B3GAT2: variants seen among roughly 807,000 people sequenced by gnomAD.
B3GAT2 encodes galactosylgalactosylxylosylprotein 3-beta-glucuronosyltransferase 2.
Under a neutral mutation model 27.8 loss-of-function variants are expected in B3GAT2, and 26 were observed. The observed-to-expected ratio is 0.93, with a 90% confidence interval of 0.68 to 1.30. The LOEUF (loss-of-function observed/expected upper bound fraction) is 1.30. Among genes scored for constraint, B3GAT2 ranks in the 50% most tolerant of loss-of-function variants. The pLI is 0.00. For synonymous variants in B3GAT2, 218 were observed against 195.1 expected, an observed-to-expected ratio of 1.12 and a Z score of -0.98; for missense variants, 458 against 459.0, an observed-to-expected ratio of 1.00 and a Z score of 0.02.
intron 1 of B3GAT2, among the ~76,000 whole-genome samples, chr6:70,918,426 A>G (rs1398581860): frequency 6.6e-6 from 1 of 152,120 alleles, no homozygotes; most frequent in Non-Finnish European, 1.5e-5. Context: ...TGTGAATTTG[A>G]TCCTGTCATT....
chr6:70,894,336 T>A, intron 1 of B3GAT2, 64 bp from the exon 2 acceptor site: 1 of 1,468,268 alleles, frequency 6.8e-7, no homozygotes. Context: ...GAAATGAATG[T>A]GATCTATGTA....
chr6:70,912,833 T>C (rs1055842255), intron 1 of B3GAT2, among the ~76,000 whole-genome samples: 2 of 152,218 alleles, frequency 1.3e-5, no homozygotes, highest in African/African-American at 2.4e-5. Flanking sequence ...TTTTTACTAC[T>C]GATTCAATTT....
rs555034692 is a variant in B3GAT2 at position 70,940,279 on chromosome 6, G to A, written c.591+15560C>T. Among the ~76,000 whole-genome samples, 14 of 152,200 alleles carry A rather than the reference G, an allele frequency of 9.2e-5. No homozygotes were observed. The South Asian group carries it at 2.9e-3, about 32-fold the overall frequency. ...TTAAGCAATGTTTGCAAAAAGAGAA[G>A]CAAGCTTATGGGGCTTCCCAAAAAA... On this transcript the variant is annotated intron_variant, in intron 1 of 3. Transcript: ENST00000230053.
At chr6:70,935,148 T>C (rs148534537) in intron 1 of B3GAT2, among the ~76,000 whole-genome samples, 2 of 151,678 alleles carry the variant, frequency 1.3e-5, no homozygotes, top group African/African-American at 4.8e-5. Context: ...AAGAGCAATA[T>C]AAAATATCCA....
At chr6:70,903,991 A>C (rs571908715) in intron 1 of B3GAT2, among the ~76,000 whole-genome samples, 6 of 152,252 alleles carry the variant, frequency 3.9e-5, no homozygotes, top group Non-Finnish European at 8.8e-5. Flanking sequence ...CCAAATGTTC[A>C]TCAACTTGTA....
At chr6:70,941,229 C>T (rs1284878244) in intron 1 of B3GAT2, among the ~76,000 whole-genome samples, 1 of 152,120 alleles carries the variant, frequency 6.6e-6, no homozygotes, top group Non-Finnish European at 1.5e-5. Context: ...AGGAGAAGAA[C>T]ATTTAGAGGC....
chr6:70,880,984 TA>T (rs1449276285), intron 2 of B3GAT2, among the ~76,000 whole-genome samples: 1 of 152,224 alleles, frequency 6.6e-6, no homozygotes, highest in East Asian at 1.9e-4. Context: ...TCTTTCTTGA[TA>T]TTTCATATAT....
chr6:70,935,303 A>T (rs1773126297), intron 1 of B3GAT2, among the ~76,000 whole-genome samples: 1 of 151,882 alleles, frequency 6.6e-6, no homozygotes, highest in Non-Finnish European at 1.5e-5. Context: ...TAAAAATAAA[A>T]ATTAGCCAGG....
intron 1 of B3GAT2, among the ~76,000 whole-genome samples, chr6:70,914,864 A>G (rs1772743132): frequency 6.6e-6 from 1 of 152,114 alleles, no homozygotes; most frequent in Non-Finnish European, 1.5e-5. Flanking sequence ...TGCAATAAAC[A>G]TATGTGTGCA....
intron 1 of B3GAT2, among the ~76,000 whole-genome samples, chr6:70,895,706 C>T (rs1032816006): frequency 6.6e-6 from 1 of 151,976 alleles, no homozygotes; most frequent in Admixed American, 6.6e-5. Flanking sequence ...TGAAGCATTC[C>T]AGGTAATGAG....
At chr6:70,864,179 TC>T (rs1771813806) in intron 2 of B3GAT2, among the ~76,000 whole-genome samples, 1 of 150,628 alleles carries the variant, frequency 6.6e-6, no homozygotes, top group Admixed American at 6.6e-5. Context: ...CCCCATTCTC[TC>T]AAAAACATGG....
intron 2 of B3GAT2, among the ~76,000 whole-genome samples, chr6:70,882,762 G>A (rs567917182): frequency 3.5e-4 from 53 of 152,260 alleles, no homozygotes; most frequent in Admixed American, 6.5e-4. Context: ...AGAGGAGAGA[G>A]TGGAGAATGC....
intron 1 of B3GAT2, among the ~76,000 whole-genome samples, chr6:70,946,244 G>C (rs1447805016): frequency 6.6e-6 from 1 of 152,066 alleles, no homozygotes. Context: ...AATGTAAATG[G>C]ACTAAATGCT....
At chr6:70,911,627 G>A (rs1242854278) in intron 1 of B3GAT2, among the ~76,000 whole-genome samples, 1 of 152,070 alleles carries the variant, frequency 6.6e-6, no homozygotes, top group Non-Finnish European at 1.5e-5. Context: ...TGGCTATTCA[G>A]GCTCTTTTTT....
At chr6:70,901,735 G>A (rs1238860198) in intron 1 of B3GAT2, among the ~76,000 whole-genome samples, 1 of 152,162 alleles carries the variant, frequency 6.6e-6, no homozygotes, top group Non-Finnish European at 1.5e-5. Flanking sequence ...ACCAGCTGAT[G>A]CTGTCATGGG....
chr6:70,902,665 C>G (rs776623617), intron 1 of B3GAT2, among the ~76,000 whole-genome samples: 7 of 105,736 alleles, frequency 6.6e-5, no homozygotes, highest in African/African-American at 2.2e-4. Flanking sequence ...CACACACACA[C>G]ATATATATAT....
Position 70,860,125 on chromosome 6 carries a change from CAACT to C in B3GAT2, c.*1534_*1537del. On this transcript the variant is annotated 3_prime_UTR_variant, in exon 4 of 4. Coordinates refer to ENST00000230053, the MANE Select transcript of B3GAT2 (RefSeq NM_080742.3). ...GTTGTCACATTAATGAAAAAATGACCAACTGTGTGGCTAAAGAAACAAGAATTAA... is the reference window on the plus strand; with the variant it reads ...GTTGTCACATTAATGAAAAAATGACCGTGTGGCTAAAGAAACAAGAATTAA... The C allele has an allele frequency of 6.8e-7, 1 of 1,474,000 alleles. No homozygotes were observed. The highest frequency in any genetic ancestry group is 1.8e-4 in the Middle Eastern group (1 of 5,466). The allele number at this position is 1,474,000 out of a possible 1,614,324, so 91.3% of individuals were successfully genotyped here.
At chr6:70,881,680 T>C (rs890099271) in intron 2 of B3GAT2, among the ~76,000 whole-genome samples, 1 of 152,104 alleles carries the variant, frequency 6.6e-6, no homozygotes, top group Non-Finnish European at 1.5e-5. Context: ...CCCCACCTGA[T>C]GTGGGGGCAT....
At chr6:70,955,789 G>A in intron 1 of B3GAT2, 50 bp downstream of exon 1, 5 of 1,501,010 alleles carry the variant, frequency 3.3e-6, no homozygotes, top group Non-Finnish European at 3.6e-6. Context: ...CGGCCGGCCC[G>A]GAGGCCCACT....
Sources: allele counts gnomAD v4.1 joint callset (sites outside exome capture counted in the v4.1 genomes callset), GRCh38; gene constraint gnomAD v4.1.1; transcripts MANE v1.5; gene names NCBI Gene and HGNC (gene_info 2026-07-23, HGNC 2026-07-21).